KLC1: variants seen among roughly 807,000 people sequenced by gnomAD.
KLC1 encodes the protein kinesin light chain 1, also known as kinesin 2 60/70kDa.
KLC1 carries 30 observed loss-of-function variants against 84.2 expected under a neutral mutation model. The observed-to-expected ratio is 0.36, with a 90% CI of 0.27 to 0.48. The LOEUF (loss-of-function observed/expected upper bound fraction) is 0.48, where lower values mean the gene tolerates loss of function less well. Ranked by LOEUF, KLC1 falls within the 20% of genes least tolerant of loss-of-function variation. The pLI is 0.99. For missense variants in KLC1, 499 were observed against 805.4 expected (o/e 0.62, Z 4.60); for synonymous variants, 289 against 293.3 (o/e 0.99, Z 0.15).
intron 1 of KLC1, among the ~76,000 whole-genome samples, chr14:103,652,122 CATAA>C (rs2078496653): frequency 6.6e-6 from 1 of 152,188 alleles, no homozygotes; most frequent in Non-Finnish European, 1.5e-5. Flanking sequence ...GGATATAATA[CATAA>C]ATACTTTGCT....
At chr14:103,680,763 C>T (rs901030474) in intron 13 of KLC1, among the ~76,000 whole-genome samples, 1 of 152,190 alleles carries the variant, frequency 6.6e-6, no homozygotes, top group African/African-American at 2.4e-5. Context: ...TGGTTGCTGT[C>T]GTATCTGCAT....
At chr14:103,633,471 CG>C (rs2076837761) in intron 1 of KLC1, among the ~76,000 whole-genome samples, 1 of 152,096 alleles carries the variant, frequency 6.6e-6, no homozygotes, top group African/African-American at 2.4e-5. Context: ...AACCCCAACT[CG>C]GCAAGCCTCA....
chr14:103,692,308 T>G (rs185938399), intron 14 of KLC1, 51 bp from the exon 15 acceptor site: 1 of 1,511,996 alleles, frequency 6.6e-7, no homozygotes, highest in Non-Finnish European at 8.9e-7. Flanking sequence ...CTGTTGCTGG[T>G]TGACCGATGT....
rs532434533 is a variant in KLC1 at position 103,669,283 on chromosome 14, A to G, written c.798-228A>G. The stretch of plus-strand genomic sequence containing the variant: ...AATCCCGTCTCTACTAAAAATACAA[A>G]AATTAGCCGGGCGTGGTGACAGATG... On this transcript the variant is annotated intron_variant, in intron 5 of 16. Coordinates refer to ENST00000334553, the MANE Select transcript of KLC1 (RefSeq NM_001394837.1). Among the ~76,000 whole-genome samples, 3 of 151,908 alleles carry G rather than the reference A, an allele frequency of 2.0e-5. No individual in the cohort carries two copies. The East Asian group carries it at 5.9e-4, about 30-fold the overall frequency.
intron 1 of KLC1, 78 bp from the exon 2 acceptor site, chr14:103,654,486 A>C (rs1049071024): frequency 1.9e-5 from 24 of 1,231,262 alleles, no homozygotes; most frequent in Admixed American, 2.6e-5. Context: ...TTAATTAAAA[A>C]ATTTTCATAT....
At chr14:103,691,375 G>C (rs891035456) in intron 14 of KLC1, among the ~76,000 whole-genome samples, 1 of 149,308 alleles carries the variant, frequency 6.7e-6, no homozygotes, top group African/African-American at 2.5e-5. Flanking sequence ...GCCCAGGCTG[G>C]TTGTGAACTC....
intron 1 of KLC1, among the ~76,000 whole-genome samples, chr14:103,652,819 CTCTT>C (rs1343739690): frequency 1.3e-5 from 2 of 152,128 alleles, no homozygotes; most frequent in South Asian, 2.1e-4. Flanking sequence ...GTTTTCTGGC[CTCTT>C]TGTTAGTGGA....
In KLC1 at chr14:103,662,752, G is replaced by C; in HGVS notation, c.622G>C (p.Glu208Gln). Reference protein sequence around the residue: ...AAAAAQQGGYEIPARLRTLHN... With the variant: ...AAAAAQQGGYQIPARLRTLHN... ...CGCGGCTGCCCAGCAGGGCGGCTAC[G>C]AGATCCCCGCGCGGCTGCGGACGCT... The change falls in exon 5 of 17, where the codon GAG becomes CAG. Residue 208 changes from glutamate (E) to glutamine (Q), a missense_variant. Physicochemically the swap from Glu to Gln is conservative, Grantham distance 29 (BLOSUM62 2). Transcript: ENST00000334553. 1 of 1,610,532 alleles carries C rather than the reference G, an allele frequency of 6.2e-7. No individual in the cohort carries two copies. Among genetic ancestry groups the C allele is most frequent in the Non-Finnish European group, 8.5e-7 (1 of 1,178,602 alleles).
intron 1 of KLC1, among the ~76,000 whole-genome samples, chr14:103,643,489 A>AT (rs2077649084): frequency 6.6e-6 from 1 of 152,216 alleles, no homozygotes. Flanking sequence ...ATTTGAAAAG[A>AT]TTTATTCTGA....
chr14:103,673,539 A>G (rs1444493195), intron 9 of KLC1, 108 bp downstream of exon 9: 24 of 670,144 alleles, frequency 3.6e-5, no homozygotes, highest in South Asian at 1.1e-4. Flanking sequence ...AACTTTGTAC[A>G]TCACTAAGCT....
intron 5 of KLC1, among the ~76,000 whole-genome samples, chr14:103,668,570 C>T (rs1432091425): frequency 1.2e-4 from 18 of 152,098 alleles, no homozygotes; most frequent in Admixed American, 3.3e-4. Flanking sequence ...CTCCGCCTCC[C>T]GGGTTCACAT....
In KLC1 at chr14:103,647,833, G is replaced by GC. The variant is rs1471103227; in HGVS notation, c.-1-6730dup. 3.4e-5 allele frequency among the ~76,000 whole-genome samples: 5 copies of GC among 147,806 alleles called. No homozygotes were observed. In the East Asian group the frequency reaches 1.0e-3, roughly 31 times the overall value. On this transcript the variant is annotated intron_variant, in intron 1 of 16. Coordinates refer to ENST00000334553, the MANE Select transcript of KLC1 (RefSeq NM_001394837.1). ...GGAGGTTGCATTGAGCCGAGATTGTGCAACTGCACTCCAGCCTGGCGACAG... is the reference window on the plus strand; with the variant it reads ...GGAGGTTGCATTGAGCCGAGATTGTGCCAACTGCACTCCAGCCTGGCGACAG...
chr14:103,687,015 G>A (rs907868609), intron 13 of KLC1, 66 bp from the exon 14 acceptor site: 7 of 1,376,838 alleles, frequency 5.1e-6, no homozygotes, highest in African/African-American at 1.4e-5. Flanking sequence ...ATTTGCACCC[G>A]GTGTGGCTCT....
At position 103,694,337 on chromosome 14, in the gene KLC1, C is replaced by T. The variant is rs2082298775; in HGVS notation, c.1848+1912C>T. The T allele has an allele frequency of 4.3e-6, 4 of 935,784 alleles. No individual in the cohort carries two copies. Among genetic ancestry groups the T allele is most frequent in the Non-Finnish European group, 5.1e-6 (4 of 785,306 alleles). The allele number at this position is 935,784 out of a possible 1,614,324, so 58.0% of individuals were successfully genotyped here. ...CCCAATCTCGGCCCACTGCAAGCTCCACCTCCTGGGTTCACGCCATTCTCC... is the reference window on the plus strand; with the variant it reads ...CCCAATCTCGGCCCACTGCAAGCTCTACCTCCTGGGTTCACGCCATTCTCC... On this transcript the variant is annotated intron_variant, in intron 15 of 16. Coordinates refer to ENST00000334553, the MANE Select transcript of KLC1 (RefSeq NM_001394837.1). This position sits in a 1 kb window ranked among gnomAD's most constrained non-coding sequence, Gnocchi z 4.5.
intron 3 of KLC1, among the ~76,000 whole-genome samples, chr14:103,659,385 GA>G (rs1334717129): frequency 6.6e-6 from 1 of 152,170 alleles, no homozygotes; most frequent in African/African-American, 2.4e-5. Flanking sequence ...TAAATTGATT[GA>G]AAAGTTGAAA....
rs1439987446 is a variant in KLC1, at chr14:103,657,661, A to G, written c.377A>G (p.Asn126Ser). 2.5e-6 allele frequency: 4 copies of G among 1,614,208 alleles called. No homozygotes were observed. In the South Asian group the frequency reaches 3.3e-5, roughly 13 times the overall value. ...CAGTGGCTACGGGATGAACTGGCCA[A>G]CACGCAGCAGAAACTGCAGAAGAGT... Reference protein sequence around the residue: ...ENQWLRDELANTQQKLQKSEQ... With the variant: ...ENQWLRDELASTQQKLQKSEQ... The change falls in exon 3 of 17, where the codon AAC (asparagine) becomes AGC (serine). Residue 126 changes from asparagine (N) to serine (S), a missense_variant. Physicochemically the swap from Asn to Ser is conservative, Grantham distance 46 (BLOSUM62 1). Around this residue, in one of 3 missense-constraint regions of KLC1, gnomAD observed 179 missense variants for 264.2 expected, o/e 0.68. Coordinates refer to ENST00000334553, the MANE Select transcript of KLC1 (RefSeq NM_001394837.1).
chr14:103,677,380 T>C (rs138850864), intron 11 of KLC1, 35 bp from the exon 12 acceptor site: 5 of 1,254,934 alleles, frequency 4.0e-6, no homozygotes, highest in East Asian at 2.3e-5. Flanking sequence ...AGAGCTTATA[T>C]GTCATAGTTC....
At chr14:103,698,143 TC>T in intron 15 of KLC1, 1 of 157,318 alleles carries the variant, frequency 6.4e-6, no homozygotes, top group Non-Finnish European at 1.4e-5. Context: ...GACAAGGCAG[TC>T]CCCCCACCCC....
intron 1 of KLC1, among the ~76,000 whole-genome samples, chr14:103,652,794 G>A (rs568175388): frequency 5.3e-5 from 8 of 152,262 alleles, no homozygotes; most frequent in African/African-American, 9.6e-5. Flanking sequence ...CCCGGTCGGC[G>A]TTTGTTGTTT....
Sources: allele counts gnomAD v4.1 joint callset (sites outside exome capture counted in the v4.1 genomes callset), GRCh38; gene constraint gnomAD v4.1.1; regional missense constraint gnomAD v4.1.1; non-coding constraint Gnocchi (gnomAD v3.1); transcripts MANE v1.5; gene names NCBI Gene and HGNC (gene_info 2026-07-23, HGNC 2026-07-21).